USH2A: variants seen among roughly 807,000 people sequenced by gnomAD.
USH2A encodes usherin.
A neutral mutation model predicts 538.9 loss-of-function variants in USH2A; 443 were observed. The observed-to-expected ratio is 0.82, with a 90% CI of 0.76 to 0.89. The LOEUF is 0.89. Among genes scored for constraint, USH2A ranks in the 40% least tolerant of loss-of-function variants. USH2A has a pLI of 0.00. For synonymous variants in USH2A, 2,413 were observed against 2,273.5 expected (o/e 1.06, Z -1.75); for missense variants, 6,633 against 6,324.8 (o/e 1.05, Z -1.65).
intron 30 of USH2A, among the ~76,000 whole-genome samples, chr1:216,050,959 A>G (rs1389803170): frequency 1.3e-5 from 2 of 152,094 alleles, no homozygotes; most frequent in African/African-American, 4.8e-5. Flanking sequence ...ATACCAAATC[A>G]AATAGCCCTT....
At chr1:215,936,864 A>G (rs1666512477) in intron 37 of USH2A, among the ~76,000 whole-genome samples, 1 of 152,138 alleles carries the variant, frequency 6.6e-6, no homozygotes, top group Non-Finnish European at 1.5e-5. Context: ...AAATTAATGA[A>G]GATCAAATAA....
At chr1:216,242,160 G>A (rs946101164) in intron 13 of USH2A, among the ~76,000 whole-genome samples, 2 of 148,374 alleles carry the variant, frequency 1.3e-5, no homozygotes, top group Admixed American at 6.8e-5. Context: ...GACCATCCTG[G>A]CTAACACGGT....
chr1:215,676,779 A>AC (rs35151998), intron 62 of USH2A, among the ~76,000 whole-genome samples: 34,266 of 151,590 alleles, frequency 0.23, 5,108 homozygotes, highest in East Asian at 0.66. Context: ...AGCCTCTGTG[A>AC]CCCCCCAAGC....
At chr1:215,684,163 A>T (rs1658335932) in intron 61 of USH2A, among the ~76,000 whole-genome samples, 1 of 152,182 alleles carries the variant, frequency 6.6e-6, no homozygotes, top group African/African-American at 2.4e-5. Context: ...ATTTTATGAG[A>T]CATAAAGACA....
At chr1:215,951,708 T>C (rs930263856) in intron 37 of USH2A, among the ~76,000 whole-genome samples, 14 of 152,170 alleles carry the variant, frequency 9.2e-5, no homozygotes, top group Admixed American at 2.0e-4. Context: ...TGTAGGTCTC[T>C]AAGGACTTGC....
At chr1:216,114,751 T>C (rs2032962406) in intron 21 of USH2A, among the ~76,000 whole-genome samples, 1 of 152,136 alleles carries the variant, frequency 6.6e-6, no homozygotes, top group Admixed American at 6.6e-5. Context: ...CAAACACCAA[T>C]AGCAACCAAC....
At chr1:215,948,275 G>A (rs1666807231) in intron 37 of USH2A, among the ~76,000 whole-genome samples, 1 of 151,516 alleles carries the variant, frequency 6.6e-6, no homozygotes, top group Non-Finnish European at 1.5e-5. Flanking sequence ...TTTCTTCTTT[G>A]TCTAACTACA....
intron 49 of USH2A, among the ~76,000 whole-genome samples, chr1:215,803,732 C>T (rs1662408243): frequency 1.3e-5 from 2 of 152,240 alleles, no homozygotes; most frequent in South Asian, 4.1e-4. Flanking sequence ...AGATTCAATG[C>T]CATCCCCATC....
chr1:216,072,294 T>C (rs1462824861), intron 29 of USH2A, among the ~76,000 whole-genome samples: 4 of 152,186 alleles, frequency 2.6e-5, no homozygotes, highest in Non-Finnish European at 4.4e-5. Context: ...AACAAGTCAG[T>C]TGTCTGAGAT....
chr1:215,650,937 C>A, intron 64 of USH2A, 136 bp from the exon 65 acceptor site: 2 of 889,322 alleles, frequency 2.2e-6, no homozygotes, highest in African/African-American at 1.7e-5. Context: ...AAACTTTGAT[C>A]TTGCAACCTT....
intron 44 of USH2A, among the ~76,000 whole-genome samples, chr1:215,857,886 G>A (rs116785145): frequency 0.015 from 2,278 of 152,266 alleles, 17 homozygotes; most frequent in Non-Finnish European, 0.025. Context: ...GTATAGCCAG[G>A]GAGGGGTGTC....
At chr1:215,749,105 C>T (rs774737305) in intron 58 of USH2A, among the ~76,000 whole-genome samples, 8 of 152,114 alleles carry the variant, frequency 5.3e-5, no homozygotes, top group Non-Finnish European at 7.4e-5. Flanking sequence ...TGCATTCCTA[C>T]GAAAATACTG....
intron 4 of USH2A, among the ~76,000 whole-genome samples, chr1:216,352,782 G>C (rs376137025): frequency 6.6e-6 from 1 of 152,052 alleles, no homozygotes; most frequent in Non-Finnish European, 1.5e-5. Context: ...GTATGCCAGT[G>C]GTGGATAAAT....
At chr1:216,247,438 A>C (rs912679724) in intron 12 of USH2A, among the ~76,000 whole-genome samples, 2 of 152,174 alleles carry the variant, frequency 1.3e-5, no homozygotes, top group Non-Finnish European at 2.9e-5. Flanking sequence ...GAACTTCATA[A>C]ATTTTTAATT....
intron 33 of USH2A, 142 bp from the exon 34 acceptor site, chr1:215,999,200 A>T (rs571765867): frequency 5.3e-6 from 4 of 761,846 alleles, no homozygotes; most frequent in Non-Finnish European, 6.3e-6. Flanking sequence ...TTAAAATAAA[A>T]CACTGAAGTA....
At chr1:216,338,341 G>A (rs565498579) in intron 4 of USH2A, among the ~76,000 whole-genome samples, 1 of 151,528 alleles carries the variant, frequency 6.6e-6, no homozygotes, top group Admixed American at 6.6e-5. Flanking sequence ...TACAGTAGAG[G>A]TGGCTTTAAA....
At chr1:216,175,007 T>C in intron 21 of USH2A, 1 of 1,335,314 alleles carries the variant, frequency 7.5e-7, no homozygotes, top group Non-Finnish European at 9.6e-7. Flanking sequence ...GCACATACTT[T>C]GATCCAATAA....
intron 4 of USH2A, among the ~76,000 whole-genome samples, chr1:216,358,204 A>G (rs1437049256): frequency 6.6e-6 from 1 of 152,144 alleles, no homozygotes; most frequent in Non-Finnish European, 1.5e-5. Context: ...CAACACTCAT[A>G]TGGAAGGTTG....
chr1:215,719,537 A>G (rs1404471011), intron 61 of USH2A, among the ~76,000 whole-genome samples: 1 of 152,134 alleles, frequency 6.6e-6, no homozygotes, highest in Non-Finnish European at 1.5e-5. Context: ...AATGTATAAA[A>G]CATAAGGTTT....
Sources: allele counts gnomAD v4.1 joint callset (sites outside exome capture counted in the v4.1 genomes callset), GRCh38; gene constraint gnomAD v4.1.1; transcripts MANE v1.5; gene names NCBI Gene and HGNC (gene_info 2026-07-23, HGNC 2026-07-21).